GPC6: variants seen among roughly 807,000 people sequenced by gnomAD.
GPC6 encodes glypican-6.
In GPC6, 14 loss-of-function variants were observed where a neutral mutation model predicts 55.2. The observed-to-expected ratio is 0.25, with a 90% confidence interval of 0.17 to 0.40. The LOEUF is 0.40. Ranked by LOEUF, GPC6 falls within the 10% of genes least tolerant of loss-of-function variation. The probability of loss-of-function intolerance (pLI) is 1.00; values close to 1 mark genes in which losing one functional copy is unlikely to be tolerated. For synonymous variants in GPC6, 278 were observed against 259.6 expected (o/e 1.07, Z -0.68); for missense variants, 641 against 708.5 (o/e 0.90, Z 1.08).
chr13:93,261,868 G>T (rs899474296), intron 1 of GPC6, among the ~76,000 whole-genome samples: 2 of 151,496 alleles, frequency 1.3e-5, no homozygotes, highest in East Asian at 3.9e-4. Context: ...GATAAATAAA[G>T]ATGAGGTAAC....
intron 1 of GPC6, among the ~76,000 whole-genome samples, chr13:93,436,083 A>T (rs1267610368): frequency 6.6e-6 from 1 of 152,142 alleles, no homozygotes; most frequent in Non-Finnish European, 1.5e-5. Flanking sequence ...GACCAATTGT[A>T]GATATTTGCA....
chr13:93,614,982 C>T (rs1028565324), intron 2 of GPC6, among the ~76,000 whole-genome samples: 1 of 151,998 alleles, frequency 6.6e-6, no homozygotes, highest in Non-Finnish European at 1.5e-5. Context: ...TATTAGCCAT[C>T]ATGATATCAT....
At chr13:94,048,112 A>G (rs1883796892) in intron 4 of GPC6, among the ~76,000 whole-genome samples, 1 of 152,096 alleles carries the variant, frequency 6.6e-6, no homozygotes, top group Non-Finnish European at 1.5e-5. Context: ...CAGGAAGAAA[A>G]GAAAGATACA....
chr13:93,532,396 G>A lies in GPC6; in HGVS notation c.161-12867G>A, dbSNP rs184466746. Among the ~76,000 whole-genome samples, 209 of 152,178 alleles carry A rather than the reference G, an allele frequency of 1.4e-3. 4 individuals carry two copies. Among genetic ancestry groups the A allele is most frequent in the Admixed American group, 0.013 (205 of 15,254 alleles). On this transcript the variant is annotated intron_variant, in intron 1 of 8. Transcript: ENST00000377047. ...CCTGATTATCTTTTGTGTTGAGACA[G>A]CGCTTTAAAATGTCTAAAAATTTTA...
Position 93,701,240 on chromosome 13 carries a change from G to C in GPC6, c.320-128914G>C, listed in dbSNP as rs559882431. On this transcript the variant is annotated intron_variant, in intron 2 of 8. Coordinates refer to ENST00000377047, the MANE Select transcript of GPC6 (RefSeq NM_005708.5). Reference sequence around the variant, plus strand: ...GATTATCACATTGTGTATTATACAGGTAAACTAGAGATATTGCAGATGCAG... The same window carrying C: ...GATTATCACATTGTGTATTATACAGCTAAACTAGAGATATTGCAGATGCAG... 2.0e-4 allele frequency among the ~76,000 whole-genome samples: 31 copies of C among 152,124 alleles called. No homozygotes were observed. In the South Asian group the frequency reaches 3.7e-3, roughly 18 times the overall value.
chr13:93,867,752 C>A (rs749678233), intron 3 of GPC6, among the ~76,000 whole-genome samples: 3 of 151,684 alleles, frequency 2.0e-5, no homozygotes, highest in Non-Finnish European at 2.9e-5. Context: ...ATTCCTGGTA[C>A]CTAGCACCAC....
rs192268552 is a variant in GPC6, at chr13:94,364,728, G to C, written c.1153-17686G>C. On this transcript the variant is annotated intron_variant, in intron 6 of 8. Coordinates refer to ENST00000377047, the MANE Select transcript of GPC6 (RefSeq NM_005708.5). ...CCTTAAAAAGGCCCAGTACATTGTA[G>C]ATACGAATCAAGTGTGTGTGCCTGC... 7.6e-4 allele frequency among the ~76,000 whole-genome samples: 116 copies of C among 152,206 alleles called. 1 individual carries two copies. The highest frequency in any genetic ancestry group is 6.8e-3 in the Middle Eastern group (2 of 294).
At chr13:93,623,217 A>T (rs1054798037) in intron 2 of GPC6, among the ~76,000 whole-genome samples, 1 of 152,154 alleles carries the variant, frequency 6.6e-6, no homozygotes, top group African/African-American at 2.4e-5. Context: ...GCTGAAAAAA[A>T]AAATAATAAA....
At chr13:94,222,956 T>C (rs913563177) in intron 4 of GPC6, among the ~76,000 whole-genome samples, 1 of 152,086 alleles carries the variant, frequency 6.6e-6, no homozygotes, top group African/African-American at 2.4e-5. Flanking sequence ...AATTCAGAGA[T>C]AGCCCCTCTA....
chr13:94,270,499 A>G (rs1891957150), intron 4 of GPC6, among the ~76,000 whole-genome samples: 1 of 152,226 alleles, frequency 6.6e-6, no homozygotes, highest in Non-Finnish European at 1.5e-5. Flanking sequence ...CCTGATCCTA[A>G]TATTGTGCCT....
At chr13:93,987,839 A>C (rs1357951813) in intron 3 of GPC6, among the ~76,000 whole-genome samples, 1 of 152,154 alleles carries the variant, frequency 6.6e-6, no homozygotes, top group Non-Finnish European at 1.5e-5. Context: ...TCCTTGGAAA[A>C]TCTGCAAATA....
chr13:94,111,998 C>T (rs1886266440), intron 4 of GPC6, among the ~76,000 whole-genome samples: 1 of 152,114 alleles, frequency 6.6e-6, no homozygotes, highest in African/African-American at 2.4e-5. Flanking sequence ...AATCAACACA[C>T]TTGAACCACT....
chr13:93,845,906 C>G (rs61964364), intron 3 of GPC6, among the ~76,000 whole-genome samples: 1 of 149,910 alleles, frequency 6.7e-6, no homozygotes, highest in Non-Finnish European at 1.5e-5. Context: ...GTGGGTGCAG[C>G]GCACCAGCAT....
chr13:94,084,412 A>ACCACACATTAGGT (rs1885212014), intron 4 of GPC6, among the ~76,000 whole-genome samples: 1 of 152,194 alleles, frequency 6.6e-6, no homozygotes, highest in Non-Finnish European at 1.5e-5. Flanking sequence ...AATGGATAGG[A>ACCACACATTAGGT]AAACTTTTAC....
intron 3 of GPC6, among the ~76,000 whole-genome samples, chr13:93,929,619 C>A (rs1878050603): frequency 6.6e-6 from 1 of 151,990 alleles, no homozygotes; most frequent in Non-Finnish European, 1.5e-5. Flanking sequence ...ACAGAAATTA[C>A]AATGGGAATT....
Position 93,227,137 on chromosome 13 carries a change from C to A in GPC6, c.-320C>A, listed in dbSNP as rs17645969. ...TCGGAACTCGGATTGCAGCTCTGAA[C>A]CCCCATGGTGGTTTTTTAAACACTT... is the stretch of plus-strand genomic sequence containing the variant. On this transcript the variant is annotated 5_prime_UTR_variant, in exon 1 of 9. Transcript: ENST00000377047. The surrounding 1 kb of genome is among the most constrained non-coding windows in gnomAD (Gnocchi z 4.3). The A allele has an allele frequency of 0.15, 31,765 of 209,264 alleles. 2,806 individuals carry two copies. Among genetic ancestry groups the A allele is most frequent in the Admixed American group, 0.21 (3,684 of 17,218 alleles). 13.0% of individuals were successfully genotyped at this position (209,264 alleles called of 1,614,324 possible).
At chr13:93,312,600 A>G (rs562252043) in intron 1 of GPC6, among the ~76,000 whole-genome samples, 4 of 152,074 alleles carry the variant, frequency 2.6e-5, no homozygotes, top group Non-Finnish European at 5.9e-5. Context: ...TTAGATGACA[A>G]TTTTCTTTTC....
intron 2 of GPC6, among the ~76,000 whole-genome samples, chr13:93,568,508 T>C (rs1876248549): frequency 6.6e-6 from 1 of 152,134 alleles, no homozygotes; most frequent in African/African-American, 2.4e-5. Context: ...AGACAGAATT[T>C]ATGCGACTGT....
intron 1 of GPC6, among the ~76,000 whole-genome samples, chr13:93,319,454 G>C (rs1366018708): frequency 6.6e-6 from 1 of 152,096 alleles, no homozygotes; most frequent in East Asian, 1.9e-4. Flanking sequence ...AGAAATAAAA[G>C]TTGCATCCAC....
Sources: allele counts gnomAD v4.1 joint callset (sites outside exome capture counted in the v4.1 genomes callset), GRCh38; gene constraint gnomAD v4.1.1; non-coding constraint Gnocchi (gnomAD v3.1); transcripts MANE v1.5; gene names NCBI Gene and HGNC (gene_info 2026-07-23, HGNC 2026-07-21).